CAMK4: variants seen among roughly 807,000 people sequenced by gnomAD.
CAMK4 encodes calcium/calmodulin-dependent protein kinase type IV.
Under a neutral mutation model 44.9 loss-of-function variants are expected in CAMK4, and 22 were observed. The observed-to-expected ratio is 0.49, with a 90% confidence interval of 0.35 to 0.70. CAMK4 has a LOEUF of 0.70. CAMK4 is among the 30% of genes least tolerant of loss of function. The probability of loss-of-function intolerance (pLI) is 0.01; values close to 1 mark genes in which losing one functional copy is unlikely to be tolerated. For synonymous variants in CAMK4, 218 were observed against 215.4 expected, an observed-to-expected ratio of 1.01 and a Z score of -0.11; for missense variants, 498 against 586.8, an observed-to-expected ratio of 0.85 and a Z score of 1.56.
chr5:111,416,818 A>G (rs1377736820), intron 5 of CAMK4, among the ~76,000 whole-genome samples: 1 of 152,180 alleles, frequency 6.6e-6, no homozygotes, highest in East Asian at 1.9e-4. Context: ...TAACATATTA[A>G]TACCATAATA....
chr5:111,478,200 T>A lies in CAMK4; in HGVS notation c.702-181T>A, dbSNP rs1755313726. On this transcript the variant is annotated intron_variant, in intron 8 of 10. Coordinates refer to ENST00000282356, the MANE Select transcript of CAMK4 (RefSeq NM_001744.6). ...TATTAATTCCTACTTCCTGAGGACT[T>A]GATTGTGTGTTTACACTATAAATAG... 2.6e-5 allele frequency among the ~76,000 whole-genome samples: 4 copies of A among 152,042 alleles called. No individual in the cohort carries two copies. The South Asian group carries it at 8.3e-4, about 31-fold the overall frequency.
chr5:111,419,145 T>G (rs1232167974), intron 5 of CAMK4, among the ~76,000 whole-genome samples: 1 of 152,212 alleles, frequency 6.6e-6, no homozygotes, highest in African/African-American at 2.4e-5. Context: ...CTAACTGGTG[T>G]GAGATGGTAT....
chr5:111,306,771 A>G (rs1232213613), intron 1 of CAMK4, among the ~76,000 whole-genome samples: 76 of 40,902 alleles, frequency 1.9e-3, no homozygotes, highest in African/African-American at 7.6e-3. Context: ...ATGGAACCAA[A>G]AAAGAGCCCG....
chr5:111,336,634 T>C (rs1749417907), intron 1 of CAMK4, among the ~76,000 whole-genome samples: 1 of 151,168 alleles, frequency 6.6e-6, no homozygotes, highest in Admixed American at 6.6e-5. Context: ...AAAGCTTTGC[T>C]AAGACAATGA....
chr5:111,407,723 T>G (rs1201826997), intron 5 of CAMK4, among the ~76,000 whole-genome samples: 1 of 152,206 alleles, frequency 6.6e-6, no homozygotes. Flanking sequence ...CAAGGAATTC[T>G]GCCACCCACA....
At chr5:111,446,338 A>G (rs892588063) in intron 5 of CAMK4, among the ~76,000 whole-genome samples, 1 of 152,258 alleles carries the variant, frequency 6.6e-6, no homozygotes, top group Non-Finnish European at 1.5e-5. Context: ...AATAAGCCAG[A>G]CAAATTTCAG....
At chr5:111,281,796 C>T (rs1299215495) in intron 1 of CAMK4, among the ~76,000 whole-genome samples, 3 of 152,286 alleles carry the variant, frequency 2.0e-5, no homozygotes, top group Admixed American at 2.0e-4. Flanking sequence ...CGGTGGCTCA[C>T]GCCTGTAATC....
At chr5:111,473,034 C>T (rs980986114) in intron 7 of CAMK4, among the ~76,000 whole-genome samples, 2 of 152,184 alleles carry the variant, frequency 1.3e-5, no homozygotes, top group Non-Finnish European at 2.9e-5. Context: ...ATACATACAG[C>T]TCTATCTACT....
chr5:111,418,540 C>A (rs1752897898), intron 5 of CAMK4, among the ~76,000 whole-genome samples: 3 of 151,954 alleles, frequency 2.0e-5, no homozygotes, highest in Admixed American at 1.3e-4. Context: ...GTGCTGAACC[C>A]ATTAACTCGT....
At chr5:111,408,420 C>G (rs1182683603) in intron 5 of CAMK4, among the ~76,000 whole-genome samples, 1 of 152,166 alleles carries the variant, frequency 6.6e-6, no homozygotes, top group Non-Finnish European at 1.5e-5. Context: ...TCTTGTGAGA[C>G]TTATTCACTA....
chr5:111,473,226 G>C (rs1024988573), intron 7 of CAMK4, 85 bp from the exon 8 acceptor site: 16 of 908,510 alleles, frequency 1.8e-5, no homozygotes, highest in Non-Finnish European at 2.9e-5. Context: ...TTGTTTTGAT[G>C]AATTTATTTC....
chr5:111,241,055 C>T lies in CAMK4; in HGVS notation c.161+16411C>T, dbSNP rs111881114. Among the ~76,000 whole-genome samples the T allele has an allele frequency of 3.8e-3, 570 of 151,734 alleles. 3 individuals are homozygous for T. The highest frequency in any genetic ancestry group is 6.0e-3 in the Non-Finnish European group (408 of 67,934). ...TTGCAAAGATTAAAAAAGGTAAATT[C>T]TTTGACTGTAGTTAAGTGTAAAAGC... On this transcript the variant is annotated intron_variant, in intron 1 of 10. Coordinates refer to ENST00000282356, the MANE Select transcript of CAMK4 (RefSeq NM_001744.6).
intron 5 of CAMK4, among the ~76,000 whole-genome samples, chr5:111,435,356 A>G (rs926466825): frequency 1.7e-4 from 26 of 151,994 alleles, no homozygotes; most frequent in African/African-American, 6.3e-4. Flanking sequence ...TACATTCCAA[A>G]TATCTACTCT....
intron 2 of CAMK4, among the ~76,000 whole-genome samples, chr5:111,353,235 G>A (rs748374075): frequency 3.0e-4 from 46 of 151,904 alleles, no homozygotes; most frequent in Admixed American, 1.8e-3. Context: ...ATAATCTCAT[G>A]TTTCCTCACA....
intron 1 of CAMK4, among the ~76,000 whole-genome samples, chr5:111,309,441 A>T (rs1209331295): frequency 1.3e-5 from 2 of 152,188 alleles, no homozygotes; most frequent in East Asian, 3.9e-4. Flanking sequence ...ACTCTTGGGC[A>T]AAATATGTGC....
At chr5:111,456,182 G>A (rs925220428) in intron 7 of CAMK4, among the ~76,000 whole-genome samples, 2 of 151,796 alleles carry the variant, frequency 1.3e-5, no homozygotes, top group Non-Finnish European at 2.9e-5. Context: ...CAGTTCTTTA[G>A]TTTAGAAATA....
At chr5:111,424,661 A>G (rs1753156296) in intron 5 of CAMK4, among the ~76,000 whole-genome samples, 1 of 151,314 alleles carries the variant, frequency 6.6e-6, no homozygotes, top group Non-Finnish European at 1.5e-5. Flanking sequence ...GTTAGCCAGG[A>G]TGGTCTCGAT....
At chr5:111,242,603 C>T (rs1749052674) in intron 1 of CAMK4, among the ~76,000 whole-genome samples, 1 of 152,102 alleles carries the variant, frequency 6.6e-6, no homozygotes, top group South Asian at 2.1e-4. Flanking sequence ...CACTCCCCTG[C>T]CTAAAATCCT....
chr5:111,353,710 A>G lies in CAMK4; in HGVS notation c.240+9608A>G, dbSNP rs1750208355. On this transcript the variant is annotated intron_variant, in intron 2 of 10. Transcript: ENST00000282356. ...AGTTACATTTCTATACACTAACAAC[A>G]AACTATCTGAAAAAGAAATTAAGAA... 5.4e-5 allele frequency among the ~76,000 whole-genome samples: 8 copies of G among 148,816 alleles called. No homozygotes were observed. The South Asian group carries it at 1.8e-3, about 33-fold the overall frequency.
Sources: gnomAD v4.1 joint callset for allele counts (sites outside exome capture counted in the v4.1 genomes callset) on GRCh38, gnomAD v4.1.1 for gene constraint, MANE v1.5 for transcripts, NCBI Gene and HGNC (gene_info 2026-07-23, HGNC 2026-07-21) for gene names.